Variants in DCC observed in about 807,000 individuals in gnomAD.
DCC encodes the protein DCC netrin 1 receptor, also known as netrin receptor DCC.
DCC carries 58 observed loss-of-function variants against 172.5 expected under a neutral mutation model. The observed-to-expected ratio is 0.34, with a 90% CI of 0.27 to 0.42. The LOEUF is 0.42. DCC is among the 10% of genes least tolerant of loss of function. The pLI, the probability that DCC is intolerant of heterozygous loss-of-function variation, is 1.00. For synonymous variants in DCC, 709 were observed against 644.5 expected (o/e 1.10, Z -1.52); for missense variants, 1,740 against 1,791.0 (o/e 0.97, Z 0.51).
chr18:52,797,131 G>A (rs1490144224), intron 2 of DCC, among the ~76,000 whole-genome samples: 1 of 151,096 alleles, frequency 6.6e-6, no homozygotes, highest in South Asian at 2.1e-4. Flanking sequence ...TAACATATCT[G>A]TTTCTTTTTT....
intron 1 of DCC, among the ~76,000 whole-genome samples, chr18:52,596,963 T>A (rs755903621): frequency 3.3e-5 from 5 of 152,188 alleles, no homozygotes; most frequent in Non-Finnish European, 5.9e-5. Flanking sequence ...GACCAGTACA[T>A]TCAGCCACTT....
chr18:52,941,549 CAT>C (rs1056266805), intron 5 of DCC, among the ~76,000 whole-genome samples: 11 of 151,320 alleles, frequency 7.3e-5, no homozygotes, highest in African/African-American at 2.4e-4. Flanking sequence ...AAAATGCGCT[CAT>C]ATACACACAC....
chr18:53,267,147 T>G (rs8093049), intron 12 of DCC, among the ~76,000 whole-genome samples: 12,768 of 149,988 alleles, frequency 0.085, 601 homozygotes, highest in African/African-American at 0.12. Flanking sequence ...TATATATATA[T>G]ATAGAGAGAG....
chr18:53,226,934 G>GTGTGTGTATATATA (rs34949557), intron 12 of DCC, among the ~76,000 whole-genome samples: 1 of 68,142 alleles, frequency 1.5e-5, no homozygotes, highest in African/African-American at 6.2e-5. Context: ...GTGTGTGTGT[G>GTGTGTGTATATATA]TATATATATA....
chr18:52,760,862 G>C (rs1166628571), intron 2 of DCC, among the ~76,000 whole-genome samples: 1 of 152,050 alleles, frequency 6.6e-6, no homozygotes, highest in African/African-American at 2.4e-5. Context: ...CTCAGTGTAT[G>C]GTACTTCAAC....
chr18:53,324,082 T>C (rs960704710), intron 14 of DCC, among the ~76,000 whole-genome samples: 3 of 152,174 alleles, frequency 2.0e-5, no homozygotes, highest in Non-Finnish European at 4.4e-5. Context: ...TTTGTAGAGA[T>C]TACTCTGGCT....
rs117759638 is a variant in DCC at position 52,790,739 on chromosome 18, T to G, written c.412+38365T>G. Among the ~76,000 whole-genome samples the G allele has an allele frequency of 1.7e-3, 265 of 152,326 alleles. No individual in the cohort carries two copies. The East Asian group carries it at 0.023, about 13-fold the overall frequency. ...TTCTCTTTTCCCTTTTTGCCTGTTA[T>G]AGGAGACATATTGCTCATCTCCAAA... is the stretch of plus-strand genomic sequence containing the variant. On this transcript the variant is annotated intron_variant, in intron 2 of 28. Coordinates refer to ENST00000442544, the MANE Select transcript of DCC (RefSeq NM_005215.4).
intron 1 of DCC, among the ~76,000 whole-genome samples, chr18:52,569,886 T>C (rs1412222711): frequency 6.6e-6 from 1 of 152,200 alleles, no homozygotes; most frequent in African/African-American, 2.4e-5. Context: ...TTAAGTGCAA[T>C]TTGAATTATA....
intron 7 of DCC, among the ~76,000 whole-genome samples, chr18:53,105,080 A>T (rs2043225412): frequency 6.6e-6 from 1 of 152,032 alleles, no homozygotes; most frequent in Non-Finnish European, 1.5e-5. Context: ...GAGATTTGTA[A>T]ATTAAATGTG....
chr18:52,603,734 A>C (rs75378710), intron 1 of DCC, among the ~76,000 whole-genome samples: 3,013 of 152,078 alleles, frequency 0.02, 103 homozygotes, highest in East Asian at 0.09. Flanking sequence ...TGCAAACATT[A>C]GGCCTGAAGA....
intron 2 of DCC, among the ~76,000 whole-genome samples, chr18:52,840,806 T>G (rs149126885): frequency 1.2e-3 from 177 of 152,322 alleles, no homozygotes; most frequent in African/African-American, 4.0e-3. Flanking sequence ...GTCCAACATC[T>G]GCAATGTGCC....
chr18:53,094,650 A>G (rs2043059326), intron 7 of DCC, among the ~76,000 whole-genome samples: 1 of 152,228 alleles, frequency 6.6e-6, no homozygotes, highest in Admixed American at 6.5e-5. Context: ...CTTCATAAGA[A>G]TGCATGCAGC....
chr18:52,371,589 TAGC>T (rs1470150415), intron 1 of DCC, among the ~76,000 whole-genome samples: 1 of 152,206 alleles, frequency 6.6e-6, no homozygotes, highest in Non-Finnish European at 1.5e-5. Context: ...TGAAGTTACT[TAGC>T]AGCCCCGGGA....
chr18:52,597,349 A>G (rs1312023952), intron 1 of DCC, among the ~76,000 whole-genome samples: 1 of 152,122 alleles, frequency 6.6e-6, no homozygotes, highest in Non-Finnish European at 1.5e-5. Context: ...CTTGATTTCC[A>G]CTAGCCTGCC....
chr18:52,885,270 A>T (rs1375649004), intron 2 of DCC, among the ~76,000 whole-genome samples: 1 of 152,140 alleles, frequency 6.6e-6, no homozygotes, highest in East Asian at 1.9e-4. Context: ...GGCCCTGGGT[A>T]GGTCCAGGGA....
chr18:52,540,248 C>A (rs990076981), intron 1 of DCC, among the ~76,000 whole-genome samples: 3 of 152,000 alleles, frequency 2.0e-5, no homozygotes, highest in African/African-American at 7.2e-5. Context: ...CCATCCTGGG[C>A]AATATAGCAA....
chr18:53,477,014 A>AT lies in DCC; in HGVS notation c.3736+9010dup, dbSNP rs781355767. Among the ~76,000 whole-genome samples, 96 of 152,242 alleles carry AT rather than the reference A, an allele frequency of 6.3e-4. No individual in the cohort carries two copies. The Middle Eastern group carries it at 0.014, about 22-fold the overall frequency. ...ATATAAACACAGTTAATTTTAAAAT[A>AT]TTTTTTATTTTTTGAGTCAGACTCT... is the stretch of plus-strand genomic sequence containing the variant. On this transcript the variant is annotated intron_variant, in intron 25 of 28. Transcript: ENST00000442544.
intron 27 of DCC, among the ~76,000 whole-genome samples, chr18:53,500,868 C>T (rs868130600): frequency 6.6e-6 from 1 of 152,014 alleles, no homozygotes; most frequent in African/African-American, 2.4e-5. Flanking sequence ...GTCTGTATTG[C>T]CCAAGCCCCT....
intron 2 of DCC, among the ~76,000 whole-genome samples, chr18:52,867,011 T>C (rs1051683533): frequency 1.3e-5 from 2 of 152,210 alleles, no homozygotes; most frequent in Non-Finnish European, 2.9e-5. Context: ...ATATTGGCTG[T>C]GAGTCTGTCA....
Sources: allele counts gnomAD v4.1 joint callset (sites outside exome capture counted in the v4.1 genomes callset), GRCh38; gene constraint gnomAD v4.1.1; transcripts MANE v1.5; gene names NCBI Gene and HGNC (gene_info 2026-07-23, HGNC 2026-07-21).